Variants in PPFIBP2 observed in about 807,000 individuals in gnomAD.
PPFIBP2 encodes the protein liprin-beta-2.
A neutral mutation model predicts 118.3 loss-of-function variants in PPFIBP2; 118 were observed. The ratio of observed to expected loss-of-function variants is 1.00; its 90% CI spans 0.86 to 1.16. The LOEUF (loss-of-function observed/expected upper bound fraction) is 1.16, where lower values mean the gene tolerates loss of function less well. Among genes scored for constraint, PPFIBP2 ranks in the 50% most tolerant of loss-of-function variants. The probability of loss-of-function intolerance (pLI) is 0.00; values close to 1 mark genes in which losing one functional copy is unlikely to be tolerated. For synonymous variants in PPFIBP2, 414 were observed against 397.4 expected (o/e 1.04, Z -0.50); for missense variants, 1,195 against 1,073.1 (o/e 1.11, Z -1.59).
intron 2 of PPFIBP2, among the ~76,000 whole-genome samples, 167 bp downstream of exon 2, chr11:7,549,706 C>T (rs1463063160): frequency 4.0e-5 from 6 of 148,466 alleles, no homozygotes; most frequent in African/African-American, 7.5e-5. Flanking sequence ...TTCTTTGATA[C>T]GAACTTATAC....
In PPFIBP2 at chr11:7,554,805, A is replaced by G. The variant is rs112100048; in HGVS notation, c.64+5266A>G. On this transcript the variant is annotated intron_variant, in intron 2 of 23. Transcript: ENST00000299492. ...CCAGGTGACTAGACTAGACTAGACTAGACTAGACTAGATTGGGTCTATACT... is the reference window on the plus strand; with the variant it reads ...CCAGGTGACTAGACTAGACTAGACTGGACTAGACTAGATTGGGTCTATACT... 4.6e-3 allele frequency among the ~76,000 whole-genome samples: 696 copies of G among 151,854 alleles called. 4 individuals are homozygous for G. The highest frequency in any genetic ancestry group is 0.015 in the African/African-American group (614 of 41,186).
At position 7,572,940 on chromosome 11, in the gene PPFIBP2, C is replaced by T. The variant is rs773192516; in HGVS notation, c.279+7173C>T. On this transcript the variant is annotated intron_variant, in intron 3 of 23. Coordinates refer to ENST00000299492, the MANE Select transcript of PPFIBP2 (RefSeq NM_003621.5). ...GATTGCAGTTGTGCACCACCACACC[C>T]GGCTAATTTTTGTATTTTTCGTAGA... Among the ~76,000 whole-genome samples, 7 of 152,208 alleles carry T rather than the reference C, an allele frequency of 4.6e-5. 1 individual carries two copies. The highest frequency in any genetic ancestry group is 6.8e-3 in the Middle Eastern group (2 of 294).
chr11:7,571,794 CTCAGGTGGCA>C (rs1402703689), intron 3 of PPFIBP2: 2 of 152,220 alleles, frequency 1.3e-5, no homozygotes, highest in East Asian at 3.9e-4. Context: ...CTGGGCCGGG[CTCAGGTGGCA>C]TCAGTGGTGG....
chr11:7,661,540 C>T (rs1191132675), downstream of PPFIBP2, among the ~76,000 whole-genome samples: 15 of 142,726 alleles, frequency 1.1e-4, no homozygotes, highest in African/African-American at 3.5e-4. Flanking sequence ...TGTTCTTTTA[C>T]ATTTGCTGAG....
chr11:7,535,687 T>G (rs977684960), intron 1 of PPFIBP2, among the ~76,000 whole-genome samples: 1 of 152,200 alleles, frequency 6.6e-6, no homozygotes, highest in African/African-American at 2.4e-5. Context: ...TCGGGCCGGC[T>G]CCAATTTGGA....
chr11:7,637,063 A>T (rs924177302), intron 14 of PPFIBP2, among the ~76,000 whole-genome samples: 8 of 152,152 alleles, frequency 5.3e-5, no homozygotes, highest in African/African-American at 1.9e-4. Context: ...CTCCACATCT[A>T]GCCCATGGAA....
At chr11:7,565,870 C>T in intron 3 of PPFIBP2, 103 bp downstream of exon 3, 1 of 1,274,572 alleles carries the variant, frequency 7.8e-7, no homozygotes, top group East Asian at 2.5e-5. Flanking sequence ...TGTATACCTT[C>T]CAGCCTTTTC....
chr11:7,582,816 C>CA (rs2135056624), intron 3 of PPFIBP2, among the ~76,000 whole-genome samples: 1 of 152,230 alleles, frequency 6.6e-6, no homozygotes, highest in Admixed American at 6.5e-5. Flanking sequence ...TTTCATGGGC[C>CA]AGGAGTCCCT....
intron 2 of PPFIBP2, among the ~76,000 whole-genome samples, chr11:7,551,135 T>C (rs1298231338): frequency 6.6e-6 from 1 of 152,158 alleles, no homozygotes; most frequent in African/African-American, 2.4e-5. Context: ...TGATGCCTTA[T>C]TGAGGAGAAA....
chr11:7,634,299 C>T (rs1851161076), intron 12 of PPFIBP2, among the ~76,000 whole-genome samples, 196 bp from the exon 13 acceptor site: 3 of 152,190 alleles, frequency 2.0e-5, no homozygotes, highest in African/African-American at 7.2e-5. Flanking sequence ...CTTACTAACA[C>T]ATTATTGGAC....
At chr11:7,565,837 C>A in intron 3 of PPFIBP2, 70 bp downstream of exon 3, 2 of 1,508,858 alleles carry the variant, frequency 1.3e-6, no homozygotes, top group Non-Finnish European at 1.8e-6. Context: ...AGTGCCACTG[C>A]TGACTGGGGC....
chr11:7,623,423 TAGA>T, intron 7 of PPFIBP2, among the ~76,000 whole-genome samples: 1 of 152,344 alleles, frequency 6.6e-6, no homozygotes, highest in East Asian at 1.9e-4. Context: ...CACAGTCAAG[TAGA>T]AGGTCTCTGG....
intron 1 of PPFIBP2, chr11:7,548,393 T>G (rs1852562081): frequency 6.6e-6 from 1 of 152,236 alleles, no homozygotes; most frequent in Non-Finnish European, 1.5e-5. Flanking sequence ...TGCTGCACCA[T>G]GCTTGAGTGT....
In PPFIBP2 at chr11:7,653,657, G is replaced by C. The variant is rs1193652641; in HGVS notation, c.*439G>C. 1 of 1,291,914 alleles carries C rather than the reference G, an allele frequency of 7.7e-7. No homozygotes were observed. Among genetic ancestry groups the C allele is most frequent in the East Asian group, 5.5e-5 (1 of 18,128 alleles). The allele number at this position is 1,291,914 out of a possible 1,614,324, so 80.0% of individuals were successfully genotyped here. A position where few individuals can be genotyped will look rare whatever the true frequency, so the allele number is the denominator to read the frequency against. On this transcript the variant is annotated 3_prime_UTR_variant, in exon 24 of 24. Coordinates refer to ENST00000299492, the MANE Select transcript of PPFIBP2 (RefSeq NM_003621.5). ...GTCTTGGCTGAGATCAAAGGGATGA[G>C]CAACAGGGACTTCTGCCACAGTGAC...
intron 6 of PPFIBP2, 34 bp downstream of exon 6, chr11:7,610,456 C>G: frequency 6.2e-7 from 1 of 1,601,860 alleles, no homozygotes. Flanking sequence ...TAAGCTCAGA[C>G]CTGGGAAGGC....
At position 7,642,270 on chromosome 11, in the gene PPFIBP2, C is replaced by T. The variant is rs768524009; in HGVS notation, c.1518-28C>T. 5.6e-6 allele frequency: 9 copies of T among 1,611,894 alleles called. No individual in the cohort carries two copies. The South Asian group carries it at 8.8e-5, about 16-fold the overall frequency. ...TGTAGGCTTTCTGACTATTCCATGA[C>T]CGTCTCCATGGATTCTTCTCCATGC... is the stretch of plus-strand genomic sequence containing the variant. On this transcript the variant is annotated intron_variant, in intron 16 of 23. Transcript: ENST00000299492.
intron 4 of PPFIBP2, among the ~76,000 whole-genome samples, chr11:7,593,602 G>C (rs1859752600): frequency 6.6e-6 from 1 of 152,176 alleles, no homozygotes; most frequent in African/African-American, 2.4e-5. Context: ...TAATAAAACA[G>C]AGCTGTGGGT....
chr11:7,662,059 T>C (rs1854900797), downstream of PPFIBP2, among the ~76,000 whole-genome samples: 1 of 146,102 alleles, frequency 6.8e-6, no homozygotes, highest in Non-Finnish European at 1.5e-5. Flanking sequence ...GTGAGATGGG[T>C]TTCCTGAATA....
intron 2 of PPFIBP2, among the ~76,000 whole-genome samples, chr11:7,564,412 A>G (rs1396440676): frequency 1.3e-5 from 2 of 152,194 alleles, no homozygotes; most frequent in Non-Finnish European, 2.9e-5. Context: ...TAAGGAGATG[A>G]GGTATGGATA....
Sources: allele counts gnomAD v4.1 joint callset (sites outside exome capture counted in the v4.1 genomes callset), GRCh38; gene constraint gnomAD v4.1.1; transcripts MANE v1.5; gene names NCBI Gene and HGNC (gene_info 2026-07-23, HGNC 2026-07-21).